Variants in EFCAB8 observed in about 807,000 individuals in gnomAD.
The protein encoded by EFCAB8 is EF-hand calcium-binding domain-containing protein 8.
In EFCAB8, 100 loss-of-function variants were observed where a neutral mutation model predicts 116.3. The ratio of observed to expected loss-of-function variants is 0.86; its 90% CI spans 0.73 to 1.02. EFCAB8 has a LOEUF of 1.02. Ranked by LOEUF, EFCAB8 falls within the 50% of genes least tolerant of loss-of-function variation. The pLI, the probability that EFCAB8 is intolerant of heterozygous loss-of-function variation, is 0.00. For missense variants in EFCAB8, 1,320 were observed against 1,416.9 expected, an observed-to-expected ratio of 0.93 and a Z score of 1.10; for synonymous variants, 558 against 567.9, an observed-to-expected ratio of 0.98 and a Z score of 0.25.
chr20:32,878,508 C>A (rs945713093), intron 4 of EFCAB8, among the ~76,000 whole-genome samples, 196 bp from the exon 5 acceptor site: 1 of 116,650 alleles, frequency 8.6e-6, no homozygotes, highest in African/African-American at 3.1e-5. Context: ...GGCTTGAGTT[C>A]TTTTTTTTTT....
intron 17 of EFCAB8, among the ~76,000 whole-genome samples, chr20:32,915,973 C>T (rs1987167589): frequency 6.6e-6 from 1 of 151,832 alleles, no homozygotes; most frequent in African/African-American, 2.4e-5. Flanking sequence ...TGCCCAGCTG[C>T]TGTTACCTAG....
intron 26 of EFCAB8, among the ~76,000 whole-genome samples, chr20:32,960,674 G>C (rs1989118213): frequency 6.6e-6 from 1 of 152,228 alleles, no homozygotes; most frequent in South Asian, 2.1e-4. Flanking sequence ...CCCCGTCCTT[G>C]TCTGCCAGGG....
intron 1 of EFCAB8, among the ~76,000 whole-genome samples, chr20:32,861,409 C>T (rs546166856): frequency 6.6e-6 from 1 of 152,310 alleles, no homozygotes; most frequent in East Asian, 1.9e-4. Context: ...CTGCCTCAGC[C>T]TCCTGAGTAG....
chr20:32,877,211 T>C (rs6119298), intron 4 of EFCAB8, among the ~76,000 whole-genome samples: 4,148 of 140,716 alleles, frequency 0.029, 204 homozygotes, highest in African/African-American at 0.098. Context: ...TTCTTTCTTT[T>C]TTTTTTTTTT....
intron 11 of EFCAB8, among the ~76,000 whole-genome samples, chr20:32,900,136 G>A (rs532958792): frequency 4.6e-5 from 7 of 152,232 alleles, no homozygotes; most frequent in African/African-American, 1.7e-4. Flanking sequence ...AGGCCAGGGT[G>A]GGGTTGGGGC....
chr20:32,864,772 G>A (rs1984303373), intron 2 of EFCAB8, among the ~76,000 whole-genome samples: 1 of 152,168 alleles, frequency 6.6e-6, no homozygotes, highest in Non-Finnish European at 1.5e-5. Flanking sequence ...TGGGGCTGGG[G>A]AGTATAGAGA....
At chr20:32,927,960 A>G (rs1158885711) in intron 20 of EFCAB8, among the ~76,000 whole-genome samples, 1 of 152,160 alleles carries the variant, frequency 6.6e-6, no homozygotes, top group Non-Finnish European at 1.5e-5. Context: ...TTAAATTGAA[A>G]CTATACCCAT....
At chr20:32,919,940 C>T (rs1199910865) in intron 19 of EFCAB8, 138 bp from the exon 20 acceptor site, 25 of 1,124,618 alleles carry the variant, frequency 2.2e-5, no homozygotes, top group African/African-American at 3.2e-5. Flanking sequence ...ATCCACTGAG[C>T]GCTGCTTTTC....
intron 20 of EFCAB8, among the ~76,000 whole-genome samples, chr20:32,930,006 T>C (rs1284809545): frequency 6.6e-6 from 1 of 152,212 alleles, no homozygotes; most frequent in Admixed American, 6.5e-5. Flanking sequence ...ACTATAGATA[T>C]ACATGAAGGG....
chr20:32,894,274 G>A (rs930588375), intron 9 of EFCAB8, among the ~76,000 whole-genome samples: 1 of 152,204 alleles, frequency 6.6e-6, no homozygotes, highest in Non-Finnish European at 1.5e-5. Context: ...CCAGGCCTTG[G>A]TAACAGGCCC....
chr20:32,911,065 T>C (rs1986897578), intron 15 of EFCAB8, among the ~76,000 whole-genome samples: 1 of 152,184 alleles, frequency 6.6e-6, no homozygotes, highest in South Asian at 2.1e-4. Flanking sequence ...ATTATAACAA[T>C]GGTCATGGTG....
chr20:32,910,935 A>C (rs1986891866), intron 15 of EFCAB8, among the ~76,000 whole-genome samples: 1 of 152,044 alleles, frequency 6.6e-6, no homozygotes, highest in African/African-American at 2.4e-5. Context: ...ACAGGGTTTC[A>C]GCATTTTGGC....
intron 1 of EFCAB8, among the ~76,000 whole-genome samples, chr20:32,863,454 C>A (rs140112056): frequency 4.7e-4 from 71 of 152,288 alleles, no homozygotes; most frequent in Non-Finnish European, 5.7e-4. Flanking sequence ...TCTTCTACTT[C>A]TGTAGAAAGT....
At chr20:32,859,027 A>G (rs1025486565) in intron 1 of EFCAB8, 21 bp downstream of exon 1, 1 of 471,158 alleles carries the variant, frequency 2.1e-6, no homozygotes, top group Non-Finnish European at 4.4e-6. Context: ...GTTTTAGGTG[A>G]AAGTTGCTCT....
At chr20:32,924,724 T>C (rs1016461319) in intron 20 of EFCAB8, among the ~76,000 whole-genome samples, 4 of 152,182 alleles carry the variant, frequency 2.6e-5, no homozygotes, top group African/African-American at 9.7e-5. Flanking sequence ...AATAAGGATT[T>C]GTATCATGAA....
Position 32,922,486 on chromosome 20 carries a change from C to T in EFCAB8, c.2412+2271C>T, listed in dbSNP as rs78476944. On this transcript the variant is annotated intron_variant, in intron 20 of 26. Transcript: ENST00000400522. ...TGAATGAAAGATATCAAGCCCCTGA[C>T]CTCTGGAGCTGTCATTCTAGTTGGG... Among the ~76,000 whole-genome samples the T allele has an allele frequency of 1.5e-3, 230 of 152,298 alleles. 1 individual carries two copies. Among genetic ancestry groups the T allele is most frequent in the African/African-American group, 5.4e-3 (223 of 41,540 alleles).
chr20:32,892,090 C>T, intron 7 of EFCAB8, 123 bp from the exon 8 acceptor site: 2 of 835,448 alleles, frequency 2.4e-6, no homozygotes, highest in Non-Finnish European at 3.8e-6. Context: ...CTGTGGTTGC[C>T]ATGGGGGAAA....
chr20:32,863,275 C>T lies in EFCAB8; in HGVS notation c.-10-508C>T, dbSNP rs147505474. 1.8e-3 allele frequency among the ~76,000 whole-genome samples: 271 copies of T among 152,240 alleles called. 1 individual carries two copies. Among genetic ancestry groups the T allele is most frequent in the African/African-American group, 6.0e-3 (249 of 41,538 alleles). On this transcript the variant is annotated intron_variant, in intron 1 of 26. Transcript: ENST00000400522. ...GGAGGCCTTGCTGACCCAATAGAAA[C>T]GTTCTCTTTATATTCCCAGAGCAGA... is the stretch of plus-strand genomic sequence containing the variant.
chr20:32,905,345 C>T (rs1986624997), intron 11 of EFCAB8, among the ~76,000 whole-genome samples: 1 of 152,194 alleles, frequency 6.6e-6, no homozygotes, highest in Non-Finnish European at 1.5e-5. Context: ...ACAGGGACGC[C>T]TGTGTAGTTT....
Sources: gnomAD v4.1 joint callset for allele counts (sites outside exome capture counted in the v4.1 genomes callset) on GRCh38, gnomAD v4.1.1 for gene constraint, MANE v1.5 for transcripts, NCBI Gene and HGNC (gene_info 2026-07-23, HGNC 2026-07-21) for gene names.